Variants in CENPP observed in about 807,000 individuals in gnomAD.
The protein encoded by CENPP is centromere protein P.
A neutral mutation model predicts 35.6 loss-of-function variants in CENPP; 24 were observed. The observed-to-expected ratio is 0.67, with a 90% CI of 0.49 to 0.95. The LOEUF is 0.95. CENPP is among the 40% of genes least tolerant of loss of function. The pLI, the probability that CENPP is intolerant of heterozygous loss-of-function variation, is 0.00. For synonymous variants in CENPP, 120 were observed against 125.5 expected, an observed-to-expected ratio of 0.96 and a Z score of 0.29; for missense variants, 332 against 345.3, an observed-to-expected ratio of 0.96 and a Z score of 0.31.
rs1420047036 is a variant in CENPP at position 92,613,945 on chromosome 9, C to G, written c.*796C>G. 6.6e-6 allele frequency: 1 copy of G among 152,264 alleles called. No homozygotes were observed. Among genetic ancestry groups the G allele is most frequent in the African/African-American group, 2.4e-5 (1 of 41,454 alleles). The allele number at this position is 152,264 out of a possible 1,614,324, so 9.4% of individuals were successfully genotyped here. A position where few individuals can be genotyped will look rare whatever the true frequency, so the allele number is the denominator to read the frequency against. On this transcript the variant is annotated 3_prime_UTR_variant, in exon 8 of 8. Coordinates refer to ENST00000375587, the MANE Select transcript of CENPP (RefSeq NM_001012267.3). The stretch of plus-strand genomic sequence containing the variant: ...CAGGGCCGTCATGACTACGCAGCAG[C>G]AGCAGTTTCCAAGACGGGCCAGAAA...
chr9:92,349,658 TC>T (rs1841394285), intron 4 of CENPP, among the ~76,000 whole-genome samples: 1 of 152,140 alleles, frequency 6.6e-6, no homozygotes, highest in Admixed American at 6.5e-5. Flanking sequence ...CACCTCAGCC[TC>T]CCAAAGTGCT....
intron 5 of CENPP, among the ~76,000 whole-genome samples, chr9:92,388,138 GT>G (rs1377568794): frequency 1.3e-4 from 19 of 151,984 alleles, no homozygotes; most frequent in African/African-American, 4.4e-4. Context: ...ATATTCAAAT[GT>G]TCTTTTTGTG....
chr9:92,481,120 A>G (rs1434011997), intron 5 of CENPP, among the ~76,000 whole-genome samples: 1 of 152,192 alleles, frequency 6.6e-6, no homozygotes, highest in Non-Finnish European at 1.5e-5. Flanking sequence ...CTCCATTTTT[A>G]TGATGTTTCC....
At chr9:92,440,345 TAAAA>T (rs1319605434) in intron 5 of CENPP, among the ~76,000 whole-genome samples, 1 of 77,166 alleles carries the variant, frequency 1.3e-5, no homozygotes, top group Non-Finnish European at 2.5e-5. Flanking sequence ...GCTGATGAGT[TAAAA>T]TAAATAAATA....
At chr9:92,412,821 A>C (rs1843481074) in intron 5 of CENPP, among the ~76,000 whole-genome samples, 1 of 152,078 alleles carries the variant, frequency 6.6e-6, no homozygotes. Context: ...GATATACCAC[A>C]TTTTGTTTAT....
chr9:92,544,834 G>A (rs1370179659), intron 5 of CENPP, among the ~76,000 whole-genome samples: 1 of 150,946 alleles, frequency 6.6e-6, no homozygotes, highest in African/African-American at 2.4e-5. Flanking sequence ...TCCTGCCTCA[G>A]CCTCCCCAGT....
intron 5 of CENPP, chr9:92,505,742 A>T: frequency 1.4e-6 from 2 of 1,427,098 alleles, no homozygotes; most frequent in Non-Finnish European, 1.9e-6. Context: ...AACCATGCAA[A>T]TTTTTGTAGC....
intron 5 of CENPP, among the ~76,000 whole-genome samples, chr9:92,381,212 T>G (rs1212654670): frequency 6.6e-6 from 1 of 152,226 alleles, no homozygotes; most frequent in African/African-American, 2.4e-5. Flanking sequence ...ACCTCATATA[T>G]GTGGAGTGTC....
At chr9:92,373,775 G>A (rs529744766) in intron 4 of CENPP, among the ~76,000 whole-genome samples, 6 of 152,180 alleles carry the variant, frequency 3.9e-5, no homozygotes, top group South Asian at 2.1e-4. Flanking sequence ...GCAGTGAGCC[G>A]AGATCATTCC....
chr9:92,567,622 C>T (rs1046686136), intron 5 of CENPP, among the ~76,000 whole-genome samples: 4 of 151,858 alleles, frequency 2.6e-5, no homozygotes, highest in Non-Finnish European at 5.9e-5. Context: ...TAACTTCAAA[C>T]ACTGCTTTCT....
At chr9:92,397,107 G>A (rs1842922346) in intron 5 of CENPP, among the ~76,000 whole-genome samples, 1 of 151,906 alleles carries the variant, frequency 6.6e-6, no homozygotes, top group Admixed American at 6.6e-5. Flanking sequence ...AGCCCAGGAG[G>A]TCAAGACTGC....
At chr9:92,429,711 C>T (rs1844055902) in intron 5 of CENPP, among the ~76,000 whole-genome samples, 1 of 151,988 alleles carries the variant, frequency 6.6e-6, no homozygotes, top group Non-Finnish European at 1.5e-5. Context: ...TCCTTGAACC[C>T]AGGAGGCGGA....
chr9:92,416,540 A>C lies in CENPP; in HGVS notation c.564+36681A>C. The C allele has an allele frequency of 9.8e-6, 9 of 917,710 alleles. No individual in the cohort carries two copies. In the South Asian group the frequency reaches 1.7e-4, roughly 18 times the overall value. 56.8% of individuals were successfully genotyped at this position (917,710 alleles called of 1,614,324 possible). On this transcript the variant is annotated intron_variant, in intron 5 of 7. Transcript: ENST00000375587. ...CTATTTTCAGCAATGTCTAAAGCAT[A>C]GCTTATTGAATATTTTTTTCTTTAA... is the stretch of plus-strand genomic sequence containing the variant.
At chr9:92,416,098 A>ATTTTTTTT (rs1354339127) in intron 5 of CENPP, among the ~76,000 whole-genome samples, 1 of 133,532 alleles carries the variant, frequency 7.5e-6, no homozygotes, top group South Asian at 2.3e-4. Flanking sequence ...TTATTTATTT[A>ATTTTTTTT]TTTTATTTTT....
intron 5 of CENPP, among the ~76,000 whole-genome samples, chr9:92,422,761 T>C (rs1041056220): frequency 6.6e-6 from 1 of 152,180 alleles, no homozygotes; most frequent in Non-Finnish European, 1.5e-5. Flanking sequence ...TCTTGCTCTT[T>C]CCCCAGGATA....
intron 4 of CENPP, among the ~76,000 whole-genome samples, chr9:92,363,597 T>A (rs182181842): frequency 9.3e-4 from 141 of 152,324 alleles, no homozygotes; most frequent in African/African-American, 3.3e-3. Context: ...CATCTGACAA[T>A]GCATTTATCA....
intron 5 of CENPP, among the ~76,000 whole-genome samples, chr9:92,509,527 G>A (rs931027871): frequency 1.3e-5 from 2 of 152,150 alleles, no homozygotes; most frequent in Non-Finnish European, 2.9e-5. Context: ...CATGGCACTG[G>A]TTAGTCGCTA....
At chr9:92,379,549 G>GT (rs1006252001) in intron 4 of CENPP, among the ~76,000 whole-genome samples, 35 of 152,306 alleles carry the variant, frequency 2.3e-4, no homozygotes, top group African/African-American at 7.9e-4. Context: ...AGACTTAAAC[G>GT]TTTGAAAATG....
intron 5 of CENPP, among the ~76,000 whole-genome samples, chr9:92,454,834 A>G (rs1375990079): frequency 6.6e-6 from 1 of 152,206 alleles, no homozygotes; most frequent in Non-Finnish European, 1.5e-5. Flanking sequence ...AACCCGGGAC[A>G]CTGCTGGTTC....
Sources: gnomAD v4.1 joint callset for allele counts (sites outside exome capture counted in the v4.1 genomes callset) on GRCh38, gnomAD v4.1.1 for gene constraint, MANE v1.5 for transcripts, NCBI Gene and HGNC (gene_info 2026-07-23, HGNC 2026-07-21) for gene names.